Variants in API5 observed in about 807,000 individuals in gnomAD.
API5 encodes the protein apoptosis inhibitor 5.
Under a neutral mutation model 71.9 loss-of-function variants are expected in API5, and 6 were observed. The ratio of observed to expected loss-of-function variants is 0.08; its 90% confidence interval spans 0.05 to 0.16. The LOEUF (loss-of-function observed/expected upper bound fraction) is 0.16. Among genes scored for constraint, API5 ranks in the 10% least tolerant of loss-of-function variants. The pLI is 1.00. For synonymous variants in API5, 189 were observed against 221.3 expected (o/e 0.85, Z 1.30); for missense variants, 332 against 612.8 (o/e 0.54, Z 4.84).
intron 12 of API5, 50 bp from the exon 13 acceptor site, chr11:43,335,808 T>C: frequency 6.5e-7 from 1 of 1,549,922 alleles, no homozygotes; most frequent in Non-Finnish European, 8.7e-7. Flanking sequence ...TATTGATAGC[T>C]TTTGGCTTAA....
intron 13 of API5, among the ~76,000 whole-genome samples, chr11:43,340,883 A>G (rs1377003226): frequency 6.6e-6 from 1 of 152,214 alleles, no homozygotes; most frequent in Non-Finnish European, 1.5e-5. Context: ...GGTCTGGGAA[A>G]AGATTTTATG....
At chr11:43,314,622 A>G (rs755660375) in intron 1 of API5, among the ~76,000 whole-genome samples, 3 of 152,192 alleles carry the variant, frequency 2.0e-5, no homozygotes, top group Non-Finnish European at 2.9e-5. Context: ...ATTTAACACA[A>G]TTCTCTGTAG....
chr11:43,327,128 A>G (rs1291445382), intron 7 of API5, among the ~76,000 whole-genome samples: 1 of 152,208 alleles, frequency 6.6e-6, no homozygotes, highest in Non-Finnish European at 1.5e-5. Flanking sequence ...CAAGCACCCA[A>G]TAGTGATTAT....
At chr11:43,319,901 A>G (rs1372750887) in intron 2 of API5, among the ~76,000 whole-genome samples, 24 of 152,220 alleles carry the variant, frequency 1.6e-4, no homozygotes, top group Non-Finnish European at 1.5e-5. Flanking sequence ...CATAGGTAGT[A>G]AAAACCTAAC....
chr11:43,321,301 G>C lies in API5; in HGVS notation c.326-110G>C. 5 of 916,750 alleles carry C rather than the reference G, an allele frequency of 5.5e-6. No individual in the cohort carries two copies. The South Asian group carries it at 7.5e-5, about 14-fold the overall frequency. 56.8% of individuals were successfully genotyped at this position (916,750 alleles called of 1,614,324 possible). A position where few individuals can be genotyped will look rare whatever the true frequency, so the allele number is the denominator to read the frequency against. ...CTTGAGGGAATGGCTTAAGTTATAAGTTTCCTGTCAATGTAACCTTGAGAA... is the reference window on the plus strand; with the variant it reads ...CTTGAGGGAATGGCTTAAGTTATAACTTTCCTGTCAATGTAACCTTGAGAA... On this transcript the variant is annotated intron_variant, in intron 3 of 13. Coordinates refer to ENST00000531273, the MANE Select transcript of API5 (RefSeq NM_001142930.2).
intron 10 of API5, chr11:43,330,284 A>C (rs1855209806): frequency 4.9e-6 from 3 of 616,148 alleles, no homozygotes; most frequent in Non-Finnish European, 8.5e-6. Context: ...CTACATTCTA[A>C]CCTGTCAAGG....
chr11:43,314,550 A>G (rs530561490), intron 1 of API5, among the ~76,000 whole-genome samples: 21 of 152,170 alleles, frequency 1.4e-4, no homozygotes, highest in Admixed American at 1.2e-3. Flanking sequence ...TTTAATGAGG[A>G]CTCCATGCTT....
intron 1 of API5, 137 bp downstream of exon 1, chr11:43,312,333 C>A: frequency 1.1e-6 from 1 of 916,148 alleles, no homozygotes; most frequent in Non-Finnish European, 1.7e-6. Flanking sequence ...CAGGCCGTCT[C>A]GTCGGGGTGG....
At chr11:43,339,932 T>C (rs892107516) in intron 13 of API5, among the ~76,000 whole-genome samples, 1 of 152,120 alleles carries the variant, frequency 6.6e-6, no homozygotes, top group Non-Finnish European at 1.5e-5. Flanking sequence ...GTCATGAAAG[T>C]CATAGCCAGA....
At position 43,329,816 on chromosome 11, in the gene API5, C is replaced by G. The variant is rs931832054; in HGVS notation, c.1128-149C>G. ...TTTGATACTTGATGAAGCTCTTAAT[C>G]AGAAACAAGCAACTTAAAATTCTCT... On this transcript the variant is annotated intron_variant, in intron 9 of 13. Transcript: ENST00000531273. The G allele has an allele frequency of 1.1e-5, 7 of 626,902 alleles. No homozygotes were observed. The African/African-American group carries it at 1.3e-4, about 12-fold the overall frequency. 38.8% of individuals were successfully genotyped at this position (626,902 alleles called of 1,614,324 possible).
intron 11 of API5, 96 bp from the exon 12 acceptor site, chr11:43,335,182 T>G: frequency 1.2e-6 from 1 of 861,386 alleles, no homozygotes; most frequent in East Asian, 2.4e-5. Context: ...TCTCCTAAAT[T>G]GAATCTTTAA....
At chr11:43,339,181 A>G (rs1028630400) in intron 13 of API5, 4 of 152,220 alleles carry the variant, frequency 2.6e-5, no homozygotes, top group African/African-American at 7.2e-5. Context: ...ATATTAGCCA[A>G]ACTGGGGAAA....
At chr11:43,315,190 G>C (rs1474675597) in intron 1 of API5, among the ~76,000 whole-genome samples, 3 of 152,116 alleles carry the variant, frequency 2.0e-5, no homozygotes, top group Non-Finnish European at 4.4e-5. Context: ...ACTCCTTTCA[G>C]AGTAGTGCCT....
At position 43,340,285 on chromosome 11, in the gene API5, TACAA is replaced by T. The variant is rs961263363; in HGVS notation, c.1493-2137_1493-2134del. On this transcript the variant is annotated intron_variant, in intron 13 of 13. Coordinates refer to ENST00000531273, the MANE Select transcript of API5 (RefSeq NM_001142930.2). ...CACTGATGAAAGAAATTGAAGGAGA[TACAA>T]ACAAATTGAAAGACACTCCGTACTC... 145 of 287,810 alleles carry T rather than the reference TACAA, an allele frequency of 5.0e-4. 1 individual carries two copies. Among genetic ancestry groups the T allele is most frequent in the Middle Eastern group, 8.2e-4 (2 of 2,430 alleles). The allele number at this position is 287,810 out of a possible 1,614,324, so 17.8% of individuals were successfully genotyped here.
chr11:43,334,087 T>C (rs919867248), intron 11 of API5, among the ~76,000 whole-genome samples: 1 of 152,158 alleles, frequency 6.6e-6, no homozygotes, highest in Non-Finnish European at 1.5e-5. Context: ...TTACATAGTA[T>C]CACAAGTGCC....
At chr11:43,339,201 A>G (rs1855532341) in intron 13 of API5, 1 of 152,210 alleles carries the variant, frequency 6.6e-6, no homozygotes, top group Non-Finnish European at 1.5e-5. Context: ...AGGTCCAGTG[A>G]GTTTCCTGTC....
chr11:43,323,561 G>A lies in API5; in HGVS notation c.675G>A (p.Gln225=), dbSNP rs770204897. 3.1e-6 allele frequency: 5 copies of A among 1,614,042 alleles called. No individual in the cohort carries two copies. The African/African-American group carries it at 6.7e-5, about 22-fold the overall frequency. ...TGGCTGAACAGGCCGACCTAGAACAGACCTTCAATCCCTCGGATCCTGACT... is the reference window on the plus strand; with the variant it reads ...TGGCTGAACAGGCCGACCTAGAACAAACCTTCAATCCCTCGGATCCTGACT... The part of the protein sequence containing the change: ...ELVAEQADLE[Q]TFNPSDPDCV... Residue 225 remains glutamine, a synonymous_variant, in exon 6 of 14, where the codon CAG becomes CAA. Coordinates refer to ENST00000531273, the MANE Select transcript of API5 (RefSeq NM_001142930.2).
At chr11:43,316,897 A>G (rs984373092) in intron 1 of API5, among the ~76,000 whole-genome samples, 1 of 152,222 alleles carries the variant, frequency 6.6e-6, no homozygotes, top group Non-Finnish European at 1.5e-5. Context: ...GAAGACTCAT[A>G]TATCTGCATT....
At chr11:43,342,296 T>C (rs1855644316) in intron 13 of API5, 132 bp from the exon 14 acceptor site, 1 of 721,398 alleles carries the variant, frequency 1.4e-6, no homozygotes, top group South Asian at 2.3e-5. Context: ...ATTTGTAGAT[T>C]GAATAGCAGA....
Sources: allele counts gnomAD v4.1 joint callset (sites outside exome capture counted in the v4.1 genomes callset), GRCh38; gene constraint gnomAD v4.1.1; transcripts MANE v1.5; gene names NCBI Gene and HGNC (gene_info 2026-07-23, HGNC 2026-07-21).